Variants in PHACTR3 observed in about 807,000 individuals in gnomAD.
The protein encoded by PHACTR3 is phosphatase and actin regulator 3, also known as protein phosphatase 1, regulatory subunit 123.
A neutral mutation model predicts 66.8 loss-of-function variants in PHACTR3; 16 were observed. That is an observed-to-expected ratio of 0.24 (90% confidence interval 0.16 to 0.36). PHACTR3 has a LOEUF of 0.36. Ranked by LOEUF, PHACTR3 falls within the 10% of genes least tolerant of loss-of-function variation. The pLI is 1.00. For missense variants in PHACTR3, 647 were observed against 719.9 expected (o/e 0.90, Z 1.16); for synonymous variants, 323 against 292.1 (o/e 1.11, Z -1.08).
intron 1 of PHACTR3, among the ~76,000 whole-genome samples, chr20:59,718,942 G>A (rs537919670): frequency 3.4e-4 from 52 of 152,360 alleles, no homozygotes; most frequent in African/African-American, 1.2e-3. Context: ...CCAAGTGGTG[G>A]CAAGCCCCTC....
Position 59,774,477 on chromosome 20 carries a change from C to T in PHACTR3, c.1161C>T (p.Asp387=). ...ATCAGGACGAGGAGGCGCTGAACGA[C>T]TCCATTATTTCTGGTGAGGAAAGGA... ...LLYQDEEALN[D]SIISGTLPRK... is the part of the protein sequence containing the mutation. Residue 387 remains aspartate (D), a synonymous_variant, in exon 7 of 13, where the codon GAC becomes GAT. Coordinates refer to ENST00000371015, the MANE Select transcript of PHACTR3 (RefSeq NM_080672.5). The T allele has an allele frequency of 6.2e-7, 1 of 1,613,612 alleles. No homozygotes were observed. Among genetic ancestry groups the T allele is most frequent in the Non-Finnish European group, 8.5e-7 (1 of 1,179,724 alleles).
intron 4 of PHACTR3, among the ~76,000 whole-genome samples, chr20:59,764,489 G>A (rs2040111963): frequency 6.6e-6 from 1 of 152,172 alleles, no homozygotes; most frequent in African/African-American, 2.4e-5. Context: ...CTTGTAGTGG[G>A]CAGGTTCGGG....
At chr20:59,690,304 T>C (rs558376160) in intron 1 of PHACTR3, among the ~76,000 whole-genome samples, 1 of 152,298 alleles carries the variant, frequency 6.6e-6, no homozygotes, top group South Asian at 2.1e-4. Context: ...AGCCTCAGCA[T>C]CACTTCTGCA....
chr20:59,605,830 GA>G (rs1284148120), intron 1 of PHACTR3, among the ~76,000 whole-genome samples: 1 of 114,182 alleles, frequency 8.8e-6, no homozygotes, highest in African/African-American at 3.3e-5. Context: ...CAGAGAGGAA[GA>G]AAGGCCTAAT....
chr20:59,737,651 G>GC, intron 1 of PHACTR3, among the ~76,000 whole-genome samples: 1 of 152,202 alleles, frequency 6.6e-6, no homozygotes, highest in East Asian at 1.9e-4. Context: ...AGTGAGGAGT[G>GC]CCATCCCACA....
chr20:59,578,955 G>A (rs2032791141), intron 1 of PHACTR3, among the ~76,000 whole-genome samples: 1 of 152,184 alleles, frequency 6.6e-6, no homozygotes, highest in Non-Finnish European at 1.5e-5. Context: ...GGTGGAGTCG[G>A]GAGAGGGAGA....
chr20:59,770,027 C>T (rs1296646487), intron 5 of PHACTR3, among the ~76,000 whole-genome samples: 4 of 152,188 alleles, frequency 2.6e-5, no homozygotes, highest in Non-Finnish European at 2.9e-5. Flanking sequence ...TAATTTGTTC[C>T]TGGCCCTCAA....
At chr20:59,810,999 C>G (rs957196549) in intron 8 of PHACTR3, among the ~76,000 whole-genome samples, 1 of 152,204 alleles carries the variant, frequency 6.6e-6, no homozygotes, top group African/African-American at 2.4e-5. Context: ...GCATAGGTGC[C>G]GGCGATGTGC....
chr20:59,778,567 C>T (rs1010637179), intron 7 of PHACTR3, among the ~76,000 whole-genome samples: 11 of 152,242 alleles, frequency 7.2e-5, no homozygotes, highest in Admixed American at 2.6e-4. Context: ...GCGTCCCTGA[C>T]GCCAATACCA....
At chr20:59,661,399 G>A (rs1274134399) in intron 1 of PHACTR3, among the ~76,000 whole-genome samples, 1 of 152,102 alleles carries the variant, frequency 6.6e-6, no homozygotes. Flanking sequence ...GAGAGAGCAC[G>A]TCTCAGAGGC....
rs149748319 is a variant in PHACTR3 at position 59,829,351 on chromosome 20, A to T, written c.1329-7154A>T. On this transcript the variant is annotated intron_variant, in intron 8 of 12. Transcript: ENST00000371015. The surrounding 1 kb of genome is among the most constrained non-coding windows in gnomAD (Gnocchi z 4.2). ...TCCCCTCTGCCTGGATGCCCATCCC[A>T]GGTCTTTCCCTGGGCGGTTTCTTTC... Among the ~76,000 whole-genome samples, 316 of 152,240 alleles carry T rather than the reference A, an allele frequency of 2.1e-3. 2 individuals are homozygous for T. Among genetic ancestry groups the T allele is most frequent in the Non-Finnish European group, 3.2e-3 (219 of 68,004 alleles).
chr20:59,779,017 G>C (rs1427584307), intron 7 of PHACTR3, among the ~76,000 whole-genome samples: 2 of 152,222 alleles, frequency 1.3e-5, no homozygotes, highest in Non-Finnish European at 2.9e-5. Flanking sequence ...CAAGCCCTGG[G>C]TGAGGCCCCC....
chr20:59,840,441 C>A lies in PHACTR3; in HGVS notation c.1446+11C>A. 1.2e-6 allele frequency: 2 copies of A among 1,612,786 alleles called. No homozygotes were observed. Among genetic ancestry groups the A allele is most frequent in the Non-Finnish European group, 1.7e-6 (2 of 1,179,306 alleles). The stretch of plus-strand genomic sequence containing the variant: ...AGATTGACAAGAAAGGTAGTATAAG[C>A]ATTTTATTGCCTGAATAATAAAAGG... On this transcript the variant is annotated intron_variant, in intron 10 of 12. Coordinates refer to ENST00000371015, the MANE Select transcript of PHACTR3 (RefSeq NM_080672.5).
chr20:59,816,727 A>G (rs569358455), intron 8 of PHACTR3, among the ~76,000 whole-genome samples: 71 of 152,322 alleles, frequency 4.7e-4, no homozygotes, highest in African/African-American at 1.5e-3. Context: ...GGTTAGATGG[A>G]TAGATGGATG....
intron 1 of PHACTR3, among the ~76,000 whole-genome samples, chr20:59,725,369 G>T (rs182128664): frequency 2.6e-5 from 4 of 152,184 alleles, no homozygotes; most frequent in African/African-American, 9.6e-5. Context: ...GTCCAGGTGG[G>T]CTGTGTGCCC....
At chr20:59,713,196 G>A (rs1398933104) in intron 1 of PHACTR3, among the ~76,000 whole-genome samples, 1 of 152,190 alleles carries the variant, frequency 6.6e-6, no homozygotes, top group East Asian at 1.9e-4. Context: ...GGTCCACAGA[G>A]GCCCAGAGAA....
chr20:59,828,118 C>T (rs74983710), intron 8 of PHACTR3, among the ~76,000 whole-genome samples: 2,061 of 152,310 alleles, frequency 0.014, 32 homozygotes, highest in African/African-American at 0.038. Context: ...TTTATGATGA[C>T]CTGAGCCTCA....
intron 9 of PHACTR3, among the ~76,000 whole-genome samples, chr20:59,839,126 C>T (rs2059014730): frequency 6.6e-6 from 1 of 152,058 alleles, no homozygotes; most frequent in African/African-American, 2.4e-5. Flanking sequence ...TTAAAGAAAT[C>T]TGAAACATTT....
At chr20:59,654,060 T>G (rs1189654234) in intron 1 of PHACTR3, among the ~76,000 whole-genome samples, 1 of 152,204 alleles carries the variant, frequency 6.6e-6, no homozygotes. Flanking sequence ...TTCTGCTGGC[T>G]AAGAGGAATT....
Sources: gnomAD v4.1 joint callset for allele counts (sites outside exome capture counted in the v4.1 genomes callset) on GRCh38, gnomAD v4.1.1 for gene constraint, Gnocchi (gnomAD v3.1) non-coding constraint, MANE v1.5 for transcripts, NCBI Gene and HGNC (gene_info 2026-07-23, HGNC 2026-07-21) for gene names.